Variants in RBFOX1 observed in about 807,000 individuals in gnomAD.
RBFOX1 encodes RNA binding protein fox-1 homolog 1.
RBFOX1 carries 8 observed loss-of-function variants against 57.7 expected under a neutral mutation model. The observed-to-expected ratio is 0.14, with a 90% CI of 0.08 to 0.25. RBFOX1 has a LOEUF of 0.25. Among genes scored for constraint, RBFOX1 ranks in the 10% least tolerant of loss-of-function variants. RBFOX1 has a pLI of 1.00. For synonymous variants in RBFOX1, 326 were observed against 222.4 expected (o/e 1.47, Z -4.15); for missense variants, 611 against 548.5 (o/e 1.11, Z -1.14).
intron 1 of RBFOX1, among the ~76,000 whole-genome samples, chr16:5,352,179 A>G (rs117839594): frequency 3.4e-4 from 51 of 152,160 alleles, no homozygotes; most frequent in African/African-American, 1.2e-3. Flanking sequence ...TATTCAGCGG[A>G]TGCTGCTTCC....
intron 4 of RBFOX1, among the ~76,000 whole-genome samples, chr16:7,207,273 G>A (rs964563793): frequency 4.6e-5 from 7 of 152,154 alleles, no homozygotes; most frequent in East Asian, 1.9e-4. Context: ...GTCACGTTCC[G>A]GCCCTTCATT....
intron 1 of RBFOX1, among the ~76,000 whole-genome samples, chr16:6,179,813 G>T (rs1297592775): frequency 6.6e-6 from 1 of 152,208 alleles, no homozygotes. Context: ...GAGAATTTGG[G>T]AGCAGCGTAG....
chr16:7,688,266 A>T (rs866975768), intron 14 of RBFOX1, among the ~76,000 whole-genome samples: 1,801 of 137,972 alleles, frequency 0.013, 18 homozygotes, highest in African/African-American at 0.023. Context: ...TGTGTGAGAG[A>T]GAGAGAGAGA....
intron 3 of RBFOX1, among the ~76,000 whole-genome samples, chr16:6,880,846 A>G (rs2062792259): frequency 6.6e-6 from 1 of 152,236 alleles, no homozygotes. Context: ...GAATTGCTGG[A>G]CAGCAAACTA....
intron 1 of RBFOX1, among the ~76,000 whole-genome samples, chr16:6,248,694 A>T (rs997994806): frequency 6.6e-6 from 1 of 152,124 alleles, no homozygotes; most frequent in Admixed American, 6.6e-5. Context: ...GTGATTTGAT[A>T]TAGAGGTTAA....
At chr16:6,694,396 A>G (rs2060709182) in intron 3 of RBFOX1, among the ~76,000 whole-genome samples, 1 of 152,228 alleles carries the variant, frequency 6.6e-6, no homozygotes, top group Admixed American at 6.5e-5. Context: ...ATTCCACTAT[A>G]AACACAAGAA....
At chr16:7,520,315 A>G (rs960261596) in intron 5 of RBFOX1, among the ~76,000 whole-genome samples, 14 of 152,204 alleles carry the variant, frequency 9.2e-5, no homozygotes, top group Non-Finnish European at 1.6e-4. Context: ...ACACATTTCA[A>G]TAGCATTCAG....
chr16:5,486,655 G>T (rs1057260514), intron 2 of RBFOX1, among the ~76,000 whole-genome samples: 2 of 152,098 alleles, frequency 1.3e-5, no homozygotes, highest in Admixed American at 6.5e-5. Flanking sequence ...TGTCCATCAG[G>T]TCTCAGTCTT....
chr16:5,284,838 A>G (rs1489889648), intron 1 of RBFOX1, among the ~76,000 whole-genome samples: 2 of 135,380 alleles, frequency 1.5e-5, no homozygotes, highest in African/African-American at 5.6e-5. Flanking sequence ...ATCCCCTGTT[A>G]GCCTGATGGA....
At chr16:5,679,380 G>GA (rs1291154033) in intron 3 of RBFOX1, among the ~76,000 whole-genome samples, 1 of 151,530 alleles carries the variant, frequency 6.6e-6, no homozygotes, top group African/African-American at 2.4e-5. Flanking sequence ...TACAAGTACA[G>GA]AATGTACAGG....
chr16:7,021,813 A>G (rs2039213473), intron 3 of RBFOX1, among the ~76,000 whole-genome samples: 1 of 150,986 alleles, frequency 6.6e-6, no homozygotes, highest in African/African-American at 2.4e-5. Flanking sequence ...GCCTTTATAG[A>G]TTTATTTCTA....
chr16:6,271,663 C>G (rs1015756884), intron 1 of RBFOX1, among the ~76,000 whole-genome samples: 1 of 152,026 alleles, frequency 6.6e-6, no homozygotes, highest in East Asian at 1.9e-4. Context: ...AAGGGAATAC[C>G]GTAAATAACT....
At chr16:6,173,333 G>C (rs2096976139) in intron 1 of RBFOX1, among the ~76,000 whole-genome samples, 1 of 152,186 alleles carries the variant, frequency 6.6e-6, no homozygotes, top group Non-Finnish European at 1.5e-5. Flanking sequence ...TTATTGAAGA[G>C]ATCCAATGTC....
chr16:5,910,034 C>G (rs2058569374), intron 4 of RBFOX1, among the ~76,000 whole-genome samples: 2 of 151,220 alleles, frequency 1.3e-5, no homozygotes, highest in South Asian at 2.1e-4. Flanking sequence ...GCCTTGGTGA[C>G]AGAGCAAGAC....
At chr16:5,690,243 A>G (rs1307125020) in intron 3 of RBFOX1, among the ~76,000 whole-genome samples, 1 of 152,226 alleles carries the variant, frequency 6.6e-6, no homozygotes, top group Non-Finnish European at 1.5e-5. Context: ...ACCTGAATGC[A>G]TGTTATTGTC....
chr16:5,764,985 C>T (rs1021205236), intron 3 of RBFOX1, among the ~76,000 whole-genome samples: 3 of 152,142 alleles, frequency 2.0e-5, no homozygotes, highest in Non-Finnish European at 4.4e-5. Flanking sequence ...CCTTGGGCTG[C>T]AGGTGCTAGA....
At chr16:6,748,215 C>T (rs553906849) in intron 3 of RBFOX1, among the ~76,000 whole-genome samples, 6 of 152,128 alleles carry the variant, frequency 3.9e-5, no homozygotes, top group Admixed American at 6.6e-5. Flanking sequence ...GGTTCAGTAC[C>T]ATGCTGTGCA....
chr16:5,747,443 A>G (rs1567484419), intron 3 of RBFOX1, among the ~76,000 whole-genome samples: 1 of 152,170 alleles, frequency 6.6e-6, no homozygotes, highest in South Asian at 2.1e-4. Flanking sequence ...TGATTGGACT[A>G]GTTTCGGAAG....
chr16:5,619,958 G>C (rs977809260), intron 3 of RBFOX1, among the ~76,000 whole-genome samples: 1 of 149,450 alleles, frequency 6.7e-6, no homozygotes, highest in African/African-American at 2.5e-5. Flanking sequence ...TTAAATCTCT[G>C]TGCAGATAGT....
Sources: gnomAD v4.1 joint callset for allele counts (sites outside exome capture counted in the v4.1 genomes callset) on GRCh38, gnomAD v4.1.1 for gene constraint, MANE v1.5 for transcripts, NCBI Gene and HGNC (gene_info 2026-07-23, HGNC 2026-07-21) for gene names.